Variants in OSMR observed in about 807,000 individuals in gnomAD.
OSMR encodes the protein oncostatin M receptor.
Under a neutral mutation model 99.9 loss-of-function variants are expected in OSMR, and 81 were observed. The observed-to-expected ratio is 0.81, with a 90% CI of 0.68 to 0.97. The LOEUF (loss-of-function observed/expected upper bound fraction) is 0.97. OSMR is among the 50% of genes least tolerant of loss of function. OSMR has a pLI of 0.00. For synonymous variants in OSMR, 406 were observed against 410.4 expected, an observed-to-expected ratio of 0.99 and a Z score of 0.13; for missense variants, 1,099 against 1,153.4, an observed-to-expected ratio of 0.95 and a Z score of 0.68.
Position 38,894,633 on chromosome 5 carries a change from A to G in OSMR, c.991+8443A>G, listed in dbSNP as rs1412272720. On this transcript the variant is annotated intron_variant, in intron 7 of 17. Coordinates refer to ENST00000274276, the MANE Select transcript of OSMR (RefSeq NM_003999.3). ...ACATAATGATAAAGGGCTCAATTCA[A>G]TAAGAAGACTTATTGATTCTAAATA... Among the ~76,000 whole-genome samples the G allele has an allele frequency of 5.9e-5, 9 of 152,176 alleles. No homozygotes were observed. In the South Asian group the frequency reaches 1.2e-3, roughly 21 times the overall value.
chr5:38,878,065 T>G (rs1335445639), intron 3 of OSMR, among the ~76,000 whole-genome samples: 2 of 152,100 alleles, frequency 1.3e-5, no homozygotes, highest in Non-Finnish European at 2.9e-5. Flanking sequence ...AGAGGTTTGT[T>G]GTGTTGCTCC....
chr5:38,940,435 A>G (rs972594053), downstream of OSMR: 2 of 232,724 alleles, frequency 8.6e-6, no homozygotes, highest in Admixed American at 1.1e-4. Context: ...TAACTCTGAC[A>G]TTTGGTTCTC....
chr5:38,867,778 T>C (rs3805563), intron 1 of OSMR, among the ~76,000 whole-genome samples: 6,339 of 152,218 alleles, frequency 0.042, 243 homozygotes, highest in African/African-American at 0.099. Context: ...ATGAGGGAGA[T>C]AGGGAAGAAT....
chr5:38,926,376 TGA>T (rs947374194), intron 15 of OSMR, among the ~76,000 whole-genome samples: 10 of 152,166 alleles, frequency 6.6e-5, no homozygotes, highest in Non-Finnish European at 1.3e-4. Context: ...AAGAACTGCC[TGA>T]GAGGGGGTAA....
At chr5:38,851,904 C>T (rs1213827205) in intron 1 of OSMR, among the ~76,000 whole-genome samples, 11 of 152,192 alleles carry the variant, frequency 7.2e-5, no homozygotes, top group African/African-American at 2.7e-4. Flanking sequence ...ACCACTTTCA[C>T]TTGGCTCTCA....
At chr5:38,917,963 A>C (rs932496801) in intron 10 of OSMR, among the ~76,000 whole-genome samples, 2 of 152,204 alleles carry the variant, frequency 1.3e-5, no homozygotes, top group African/African-American at 4.8e-5. Context: ...TTATATTTAA[A>C]AATTATAAAT....
At chr5:38,914,288 C>G (rs1034766317) in intron 9 of OSMR, among the ~76,000 whole-genome samples, 7 of 152,168 alleles carry the variant, frequency 4.6e-5, no homozygotes, top group Non-Finnish European at 1.0e-4. Context: ...AGGGTATTCT[C>G]TTGAGCGTCT....
chr5:38,853,741 C>A (rs1415657667), intron 1 of OSMR, among the ~76,000 whole-genome samples: 1 of 152,170 alleles, frequency 6.6e-6, no homozygotes, highest in Non-Finnish European at 1.5e-5. Flanking sequence ...AAATCTTGAA[C>A]TGAATGTTGC....
At chr5:38,883,419 C>A (rs1216415442) in intron 4 of OSMR, among the ~76,000 whole-genome samples, 2 of 152,236 alleles carry the variant, frequency 1.3e-5, no homozygotes, top group African/African-American at 4.8e-5. Context: ...TCTAACTGAG[C>A]AAACTTTGGC....
chr5:38,879,593 G>A (rs544155151), intron 3 of OSMR, among the ~76,000 whole-genome samples: 50 of 151,864 alleles, frequency 3.3e-4, no homozygotes, highest in African/African-American at 1.1e-3. Flanking sequence ...TCTAGCAGGG[G>A]TCTGGGGGAA....
intron 1 of OSMR, among the ~76,000 whole-genome samples, chr5:38,849,801 A>T (rs1251755586): frequency 6.6e-6 from 1 of 152,196 alleles, no homozygotes; most frequent in African/African-American, 2.4e-5. Flanking sequence ...GTCAGTTTGG[A>T]TAAATTACTT....
intron 1 of OSMR, among the ~76,000 whole-genome samples, chr5:38,865,587 G>A (rs1741872979): frequency 6.6e-6 from 1 of 152,228 alleles, no homozygotes; most frequent in Admixed American, 6.5e-5. Flanking sequence ...ATTTTGTGAA[G>A]GATGGGGACA....
chr5:38,874,232 T>TTTGTTG (rs142198285), intron 2 of OSMR, among the ~76,000 whole-genome samples: 5 of 152,064 alleles, frequency 3.3e-5, no homozygotes, highest in Non-Finnish European at 5.9e-5. Context: ...TTATTGTCTA[T>TTTGTTG]TTGTTGTTGT....
chr5:38,886,345 A>C (rs1396337012), intron 7 of OSMR, 155 bp downstream of exon 7: 1 of 1,470,468 alleles, frequency 6.8e-7, no homozygotes, highest in African/African-American at 1.4e-5. Context: ...GTTTCTCCTC[A>C]TGGATGCACG....
intron 1 of OSMR, 142 bp from the exon 2 acceptor site, chr5:38,868,890 A>G: frequency 1.0e-6 from 1 of 960,258 alleles, no homozygotes; most frequent in South Asian, 1.7e-5. Context: ...GGGACTCTAA[A>G]GTACCATGAC....
At chr5:38,907,285 G>A (rs996302064) in intron 9 of OSMR, among the ~76,000 whole-genome samples, 1 of 152,182 alleles carries the variant, frequency 6.6e-6, no homozygotes, top group African/African-American at 2.4e-5. Flanking sequence ...GCCTGCCCCT[G>A]CCGTGGACCT....
chr5:38,862,606 C>G (rs142090164), intron 1 of OSMR, among the ~76,000 whole-genome samples: 8 of 146,562 alleles, frequency 5.5e-5, no homozygotes, highest in Non-Finnish European at 9.0e-5. Flanking sequence ...CAGACCGGGT[C>G]GCGGCCAGGC....
chr5:38,891,922 A>G (rs537996365), intron 7 of OSMR, among the ~76,000 whole-genome samples: 1 of 152,232 alleles, frequency 6.6e-6, no homozygotes, highest in East Asian at 1.9e-4. Context: ...GGAAGCACCC[A>G]GACTGCAGAT....
At chr5:38,871,429 T>A (rs1040857285) in intron 2 of OSMR, among the ~76,000 whole-genome samples, 4 of 152,258 alleles carry the variant, frequency 2.6e-5, no homozygotes, top group African/African-American at 7.2e-5. Flanking sequence ...TGACCTGTAC[T>A]ATTTGGATTT....
Sources: gnomAD v4.1 joint callset for allele counts (sites outside exome capture counted in the v4.1 genomes callset) on GRCh38, gnomAD v4.1.1 for gene constraint, MANE v1.5 for transcripts, NCBI Gene and HGNC (gene_info 2026-07-23, HGNC 2026-07-21) for gene names.